PGC: variants seen among roughly 807,000 people sequenced by gnomAD.
PGC encodes gastricsin.
PGC carries 31 observed loss-of-function variants against 45.9 expected under a neutral mutation model. The ratio of observed to expected loss-of-function variants is 0.67; its 90% CI spans 0.51 to 0.91. PGC has a LOEUF of 0.91. PGC is among the 40% of genes least tolerant of loss of function. The pLI is 0.00. For missense variants in PGC, 477 were observed against 493.2 expected (o/e 0.97, Z 0.31); for synonymous variants, 192 against 201.8 (o/e 0.95, Z 0.41).
chr6:41,737,647 C>A, intron 8 of PGC, 83 bp downstream of exon 8: 3 of 795,438 alleles, frequency 3.8e-6, no homozygotes, highest in Non-Finnish European at 6.7e-6. Flanking sequence ...TGGCACAAGG[C>A]AGGAGACCCA....
intron 5 of PGC, 132 bp from the exon 6 acceptor site, chr6:41,740,742 G>A: frequency 6.8e-7 from 1 of 1,463,852 alleles, no homozygotes; most frequent in Non-Finnish European, 9.0e-7. Flanking sequence ...AGAGCACTGA[G>A]TCTCCCTTCA....
rs1771716815 is a variant in PGC, at chr6:41,737,840, A to G, written c.916-12T>C. ...CAGTTCACGAGAAACTGCAAGAGGA[A>G]TAGGTCCCTGGTTAACTCATCCTCC... is the stretch of plus-strand genomic sequence containing the variant. On this transcript the variant is annotated splice_polypyrimidine_tract_variant and intron_variant, in intron 7 of 8. Coordinates refer to ENST00000373025, the MANE Select transcript of PGC (RefSeq NM_002630.4). 3.9e-6 allele frequency: 6 copies of G among 1,536,100 alleles called. No individual in the cohort carries two copies. The African/African-American group carries it at 5.4e-5, about 14-fold the overall frequency.
intron 8 of PGC, 68 bp downstream of exon 8, chr6:41,737,662 T>C (rs1350297579): frequency 1.1e-6 from 1 of 870,434 alleles, no homozygotes; most frequent in Non-Finnish European, 1.9e-6. Context: ...GACCCAGCAT[T>C]TCTGGCTCCC....
rs756011886 is a variant in PGC, at chr6:41,739,898, C to T, written c.816G>A (p.Gln272=). ...GAGAGGTGCCTGTGTCCACGATGGC[C>T]TGGCAACCCTCAGAACACCAGCCGG... ...QASGWCSEGC[Q]AIVDTGTSLL... Residue 272 remains glutamine (Q), a synonymous_variant, in exon 7 of 9, where the codon CAG becomes CAA. Transcript: ENST00000373025. The T allele has an allele frequency of 1.3e-5, 21 of 1,614,066 alleles. No individual in the cohort carries two copies. Among genetic ancestry groups the T allele is most frequent in the Non-Finnish European group, 1.8e-5 (21 of 1,180,018 alleles).
At chr6:41,747,128 G>T (rs1771942173) in intron 1 of PGC, 148 bp downstream of exon 1, 2 of 687,192 alleles carry the variant, frequency 2.9e-6, no homozygotes, top group Non-Finnish European at 5.2e-6. Flanking sequence ...CATGTGTCCT[G>T]TCTAACATCA....
chr6:41,741,856 A>T, intron 5 of PGC: 1 of 1,527,898 alleles, frequency 6.5e-7, no homozygotes, highest in Non-Finnish European at 8.8e-7. Context: ...AGAACAATAG[A>T]TAAAAGGAGA....
At position 41,739,853 on chromosome 6, in the gene PGC, C is replaced by T. The variant is rs370720803; in HGVS notation, c.861G>A (p.Gln287=). 2 of 1,614,036 alleles carry T rather than the reference C, an allele frequency of 1.2e-6. No individual in the cohort carries two copies. The highest frequency in any genetic ancestry group is 1.3e-5 in the African/African-American group (1 of 74,946). ...TGTSLLTVPQ[Q]YMSALLQATG... is the part of the protein sequence containing the mutation. ...TGGCCTGCAGAAGAGCACTCATGTA[C>T]TGCTGGGGCACAGTGAGCAGAGAGG... Residue 287 remains glutamine (Q), a synonymous_variant, in exon 7 of 9, where the codon CAG becomes CAA. Transcript: ENST00000373025.
intron 5 of PGC, chr6:41,741,036 C>T: frequency 6.5e-7 from 1 of 1,537,048 alleles, no homozygotes; most frequent in Non-Finnish European, 8.7e-7. Flanking sequence ...CCCCAGCCCA[C>T]ACTCTGCTCT....
intron 5 of PGC, chr6:41,741,652 A>G (rs1210406709): frequency 1.5e-6 from 1 of 653,176 alleles, no homozygotes; most frequent in Non-Finnish European, 2.7e-6. Flanking sequence ...TCTCAAAAAA[A>G]CAAAACAAAA....
Position 41,744,691 on chromosome 6 carries a change from GA to G in PGC, c.176del (p.Leu59ProfsTer3), listed in dbSNP as rs769852455. On this transcript the variant is annotated frameshift_variant, in exon 2 of 9. Coordinates refer to ENST00000373025, the MANE Select transcript of PGC (RefSeq NM_002630.4). LOFTEE classifies it high-confidence loss of function. The surrounding 1 kb of genome is among the most constrained non-coding windows in gnomAD (Gnocchi z 4.4). ...AGGCCATGGGCTCGTAGGTCACGCT[GA>G]GGTCACCAAAGCGGTACTTCCAAGC... ...DPAWKYRFGD[L>X]SVTYEPMAYM... 2 of 1,614,178 alleles carry G rather than the reference GA, an allele frequency of 1.2e-6. No individual in the cohort carries two copies. Among genetic ancestry groups the G allele is most frequent in the East Asian group, 4.5e-5 (2 of 44,876 alleles).
In PGC at chr6:41,744,817, A is replaced by T; in HGVS notation, c.60-9T>A. 6.2e-7 allele frequency: 1 copy of T among 1,612,964 alleles called. No homozygotes were observed. The highest frequency in any genetic ancestry group is 8.5e-7 in the Non-Finnish European group (1 of 1,179,392). The stretch of plus-strand genomic sequence containing the variant: ...ATTTCTTCAGGGGCACTCTACAGAA[A>T]GGTTGCATATGAGGCAAGGCCCTCC... On this transcript the variant is annotated splice_polypyrimidine_tract_variant and intron_variant, in intron 1 of 8. Transcript: ENST00000373025. This position sits in a 1 kb window ranked among gnomAD's most constrained non-coding sequence, Gnocchi z 4.4.
At chr6:41,740,429 A>T in intron 6 of PGC, 62 bp downstream of exon 6, 1 of 1,557,070 alleles carries the variant, frequency 6.4e-7, no homozygotes, top group Non-Finnish European at 8.7e-7. Context: ...TGTGTGTGTG[A>T]CATGGCCTGG....
intron 7 of PGC, among the ~76,000 whole-genome samples, chr6:41,738,205 T>TATATATATATAC (rs1554138634): frequency 6.3e-5 from 4 of 63,364 alleles, no homozygotes; most frequent in South Asian, 5.3e-4. Context: ...TATATATGCA[T>TATATATATATAC]ATATATATGC....
intron 4 of PGC, 71 bp from the exon 5 acceptor site, chr6:41,742,560 C>T: frequency 9.1e-7 from 1 of 1,094,908 alleles, no homozygotes; most frequent in Middle Eastern, 2.0e-4. Context: ...CCCCTAGAGA[C>T]TCCTCAAGCC....
At position 41,737,709 on chromosome 6, in the gene PGC, C is replaced by G. The variant is rs201949514; in HGVS notation, c.1014+21G>C. 7.0e-6 allele frequency: 10 copies of G among 1,436,334 alleles called. No homozygotes were observed. In the African/African-American group the frequency reaches 1.4e-4, roughly 20 times the overall value. 89.0% of individuals were successfully genotyped at this position (1,436,334 alleles called of 1,614,324 possible). A position where few individuals can be genotyped will look rare whatever the true frequency, so the allele number is the denominator to read the frequency against. On this transcript the variant is annotated intron_variant, in intron 8 of 8. Coordinates refer to ENST00000373025, the MANE Select transcript of PGC (RefSeq NM_002630.4). ...CCCAACCCCAATCATGGTGGCTCAG[C>G]CTGCAGGGACCAGGACTTACACTGA...
At chr6:41,745,427 A>G (rs1252580477) in intron 1 of PGC, among the ~76,000 whole-genome samples, 2 of 151,910 alleles carry the variant, frequency 1.3e-5, no homozygotes, top group African/African-American at 4.8e-5. Flanking sequence ...TTTAGCAGAG[A>G]CAGGGTTTCA....
At chr6:41,738,129 TATGC>T (rs2127287172) in intron 7 of PGC, among the ~76,000 whole-genome samples, 1 of 134,540 alleles carries the variant, frequency 7.4e-6, no homozygotes, top group South Asian at 2.2e-4. Flanking sequence ...TATACATATA[TATGC>T]ATATATATAT....
At chr6:41,742,077 A>T (rs147307510) in intron 5 of PGC, among the ~76,000 whole-genome samples, 182 of 152,174 alleles carry the variant, frequency 1.2e-3, no homozygotes, top group South Asian at 0.011. Flanking sequence ...GTCGGAGGGG[A>T]CTGGGGACAG....
Position 41,744,662 on chromosome 6 carries a change from A to G in PGC, c.206T>C (p.Met69Thr), listed in dbSNP as rs1302774923. The G allele has an allele frequency of 1.9e-6, 3 of 1,614,098 alleles. No individual in the cohort carries two copies. The highest frequency in any genetic ancestry group is 2.5e-6 in the Non-Finnish European group (3 of 1,179,982). ...CCAGAAAGGGTCAGGACTCACATCC[A>G]TGTAGGCCATGGGCTCGTAGGTCAC... is the stretch of plus-strand genomic sequence containing the variant. ...LSVTYEPMAY[M>T]DAAYFGEISI... Residue 69 changes from methionine (M) to threonine (T), a missense_variant, in exon 2 of 9, where the codon ATG becomes ACG. By Grantham distance (81) the Met-to-Thr change is moderately conservative. Transcript: ENST00000373025. The surrounding 1 kb of genome is among the most constrained non-coding windows in gnomAD (Gnocchi z 4.4).
Sources: gnomAD v4.1 joint callset for allele counts (sites outside exome capture counted in the v4.1 genomes callset) on GRCh38, gnomAD v4.1.1 for gene constraint, Gnocchi (gnomAD v3.1) non-coding constraint, MANE v1.5 for transcripts, NCBI Gene and HGNC (gene_info 2026-07-23, HGNC 2026-07-21) for gene names.